Variants in GMNN observed in about 807,000 individuals in gnomAD.
The protein encoded by GMNN is geminin DNA replication inhibitor.
Under a neutral mutation model 20.9 loss-of-function variants are expected in GMNN, and 14 were observed. The observed-to-expected ratio is 0.67, with a 90% CI of 0.44 to 1.05. The LOEUF is 1.05. Among genes scored for constraint, GMNN ranks in the 50% least tolerant of loss-of-function variants. The pLI is 0.00. For missense variants in GMNN, 227 were observed against 243.8 expected, an observed-to-expected ratio of 0.93 and a Z score of 0.46; for synonymous variants, 81 against 85.8, an observed-to-expected ratio of 0.94 and a Z score of 0.31.
At chr6:24,780,902 G>C (rs1780195367) in intron 3 of GMNN, among the ~76,000 whole-genome samples, 162 bp downstream of exon 3, 1 of 152,144 alleles carries the variant, frequency 6.6e-6, no homozygotes, top group Non-Finnish European at 1.5e-5. Context: ...GGTTTTAATT[G>C]TTCAATTTAA....
At chr6:24,784,000 G>A in intron 4 of GMNN, 87 bp from the exon 5 acceptor site, 1 of 601,764 alleles carries the variant, frequency 1.7e-6, no homozygotes, top group East Asian at 2.9e-5. Flanking sequence ...ACAATATGGG[G>A]GTACTAAGAT....
At chr6:24,778,119 TTAGC>T (rs1271678762) in intron 2 of GMNN, among the ~76,000 whole-genome samples, 1 of 152,222 alleles carries the variant, frequency 6.6e-6, no homozygotes, top group African/African-American at 2.4e-5. Flanking sequence ...AATTTACAAT[TTAGC>T]TAGGTCCTTC....
intron 2 of GMNN, among the ~76,000 whole-genome samples, chr6:24,778,993 T>G (rs1780141918): frequency 6.6e-6 from 1 of 152,216 alleles, no homozygotes; most frequent in Admixed American, 6.5e-5. Context: ...TAAAGGATAC[T>G]AGGTTCTGTT....
chr6:24,780,587 T>C (rs1780185039), intron 2 of GMNN, 76 bp from the exon 3 acceptor site: 1 of 819,830 alleles, frequency 1.2e-6, no homozygotes, highest in Non-Finnish European at 2.1e-6. Flanking sequence ...AGAGTAACAC[T>C]CCATACAGAA....
intron 1 of GMNN, among the ~76,000 whole-genome samples, chr6:24,776,003 A>G (rs1319946964): frequency 6.6e-6 from 1 of 152,162 alleles, no homozygotes; most frequent in Non-Finnish European, 1.5e-5. Flanking sequence ...AACATTGCGT[A>G]GGGTCTGTTT....
intron 6 of GMNN, 58 bp from the exon 7 acceptor site, chr6:24,785,580 G>A (rs1478081713): frequency 1.2e-6 from 1 of 836,344 alleles, no homozygotes; most frequent in Non-Finnish European, 1.9e-6. Context: ...ATATCAGTAT[G>A]CTGATCAGCT....
chr6:24,784,126 A>T lies in GMNN; in HGVS notation c.314A>T (p.Lys105Ile), dbSNP rs1332085020. ...CAGTATTGGAAGGAAGTGGCAGAAA[A>T]ACGGAGAAAGGCGCTGTATGAAGCA... ...SSQYWKEVAE[K>I]RRKALYEALK... is the part of the protein sequence containing the mutation. Residue 105 changes from lysine (K) to isoleucine (I), a missense_variant, in exon 5 of 7, where the codon AAA becomes ATA. Coordinates refer to ENST00000230056, the MANE Select transcript of GMNN (RefSeq NM_015895.5). 6.5e-7 allele frequency: 1 copy of T among 1,535,810 alleles called. No homozygotes were observed. The highest frequency in any genetic ancestry group is 1.7e-5 in the Admixed American group (1 of 59,856).
rs1245295673 is a variant in GMNN at position 24,785,965 on chromosome 6, C to T, written c.*166C>T. On this transcript the variant is annotated 3_prime_UTR_variant, in exon 7 of 7. Coordinates refer to ENST00000230056, the MANE Select transcript of GMNN (RefSeq NM_015895.5). ...AGTACAAATACTATGTATTTTTAAT[C>T]TATGATGGTTTATGTGAATAGGATT... is the stretch of plus-strand genomic sequence containing the variant. The T allele has an allele frequency of 7.8e-6, 4 of 514,858 alleles. No homozygotes were observed. Among genetic ancestry groups the T allele is most frequent in the Non-Finnish European group, 1.4e-5 (4 of 296,294 alleles). The allele number at this position is 514,858 out of a possible 1,614,324, so 31.9% of individuals were successfully genotyped here.
intron 1 of GMNN, among the ~76,000 whole-genome samples, chr6:24,776,619 G>T (rs2113570098): frequency 1.3e-5 from 2 of 152,372 alleles, no homozygotes; most frequent in Middle Eastern, 6.8e-3. Context: ...GCAGTGGGCA[G>T]TGGGCAGTGG....
At chr6:24,778,813 A>C (rs190510341) in intron 2 of GMNN, among the ~76,000 whole-genome samples, 46 of 151,846 alleles carry the variant, frequency 3.0e-4, no homozygotes, top group African/African-American at 1.0e-3. Flanking sequence ...CAGCTTCAGC[A>C]ATTACCGCTA....
In GMNN at chr6:24,785,655, TCTGGATAATTTTGAATCA is replaced by T; in HGVS notation, c.496_513del (p.Phe166_Asn171del). 1 of 1,519,336 alleles carries T rather than the reference TCTGGATAATTTTGAATCA, an allele frequency of 6.6e-7. No homozygotes were observed. Among genetic ancestry groups the T allele is most frequent in the Non-Finnish European group, 9.0e-7 (1 of 1,105,882 alleles). 94.1% of individuals were successfully genotyped at this position (1,519,336 alleles called of 1,614,324 possible). On this transcript the variant is annotated inframe_deletion, in exon 7 of 7. Coordinates refer to ENST00000230056, the MANE Select transcript of GMNN (RefSeq NM_015895.5). Reference sequence around the variant, plus strand: ...TTTAAAAGAGACTGAATGGTGAACCTCTGGATAATTTTGAATCACTGGATAATCAGGAATTTGATTCTG... The same window carrying T: ...TTTAAAAGAGACTGAATGGTGAACCTCTGGATAATCAGGAATTTGATTCTG...
intron 1 of GMNN, chr6:24,775,648 C>T (rs1331813901): frequency 1.3e-5 from 2 of 152,258 alleles, no homozygotes; most frequent in African/African-American, 4.8e-5. Flanking sequence ...TCCCATTAAA[C>T]GGATACTGGC....
At chr6:24,783,881 G>T (rs902860533) in intron 4 of GMNN, among the ~76,000 whole-genome samples, 7 of 151,972 alleles carry the variant, frequency 4.6e-5, no homozygotes, top group African/African-American at 1.2e-4. Flanking sequence ...TATACGTATT[G>T]TACTTTTGTT....
intron 1 of GMNN, among the ~76,000 whole-genome samples, chr6:24,776,107 T>G (rs1780062036): frequency 6.6e-6 from 1 of 152,156 alleles, no homozygotes; most frequent in African/African-American, 2.4e-5. Flanking sequence ...CTAAGCTTTT[T>G]TTTTTTTTGA....
chr6:24,778,466 C>T (rs1211239356), intron 2 of GMNN, among the ~76,000 whole-genome samples: 1 of 152,148 alleles, frequency 6.6e-6, no homozygotes, highest in African/African-American at 2.4e-5. Flanking sequence ...TGCTTCACTG[C>T]ACTCCAGCCT....
intron 4 of GMNN, 112 bp downstream of exon 4, chr6:24,781,733 G>A (rs955601697): frequency 4.1e-6 from 2 of 491,402 alleles, no homozygotes; most frequent in Non-Finnish European, 7.4e-6. Context: ...TAGTATAACA[G>A]CACTATAAAT....
chr6:24,781,292 A>C (rs1257768705), intron 3 of GMNN, among the ~76,000 whole-genome samples, 185 bp from the exon 4 acceptor site: 2 of 152,186 alleles, frequency 1.3e-5, no homozygotes, highest in Non-Finnish European at 2.9e-5. Flanking sequence ...AATTGTTGCA[A>C]ATAAAATTCC....
At chr6:24,784,725 G>C (rs61172438) in intron 6 of GMNN, among the ~76,000 whole-genome samples, 171 bp downstream of exon 6, 2 of 152,024 alleles carry the variant, frequency 1.3e-5, no homozygotes, top group Non-Finnish European at 2.9e-5. Context: ...GGGTTTATCC[G>C]GTCAGGGCTT....
intron 2 of GMNN, among the ~76,000 whole-genome samples, chr6:24,778,437 G>T (rs746452263): frequency 2.6e-5 from 4 of 152,034 alleles, no homozygotes; most frequent in Non-Finnish European, 5.9e-5. Flanking sequence ...TAGGAGTTTG[G>T]GCTTTGGTGA....
Sources: allele counts gnomAD v4.1 joint callset (sites outside exome capture counted in the v4.1 genomes callset), GRCh38; gene constraint gnomAD v4.1.1; transcripts MANE v1.5; gene names NCBI Gene and HGNC (gene_info 2026-07-23, HGNC 2026-07-21).